The following GRIP1 variants were observed in gnomAD, a reference collection of about 807,000 sequenced individuals.
GRIP1 encodes glutamate receptor interacting protein 1.
A neutral mutation model predicts 129.9 loss-of-function variants in GRIP1; 45 were observed. The observed-to-expected ratio is 0.35, with a 90% CI of 0.27 to 0.44. GRIP1 has a LOEUF of 0.44. GRIP1 is among the 20% of genes least tolerant of loss of function. The pLI is 1.00. For missense variants in GRIP1, 1,196 were observed against 1,396.8 expected (o/e 0.86, Z 2.29); for synonymous variants, 530 against 520.8 (o/e 1.02, Z -0.24).
chr12:66,480,153 T>C (rs2059758731), intron 7 of GRIP1, among the ~76,000 whole-genome samples: 1 of 152,184 alleles, frequency 6.6e-6, no homozygotes, highest in Non-Finnish European at 1.5e-5. Context: ...ATGACATCAT[T>C]GTATATTTAG....
intron 1 of GRIP1, among the ~76,000 whole-genome samples, chr12:66,654,387 G>T (rs2033005382): frequency 6.6e-6 from 1 of 152,174 alleles, no homozygotes. Context: ...GAGGGTTGTA[G>T]AGAGGATTTT....
intron 13 of GRIP1, among the ~76,000 whole-genome samples, chr12:66,440,587 A>G (rs575289285): frequency 1.3e-5 from 2 of 152,176 alleles, no homozygotes; most frequent in South Asian, 2.1e-4. Flanking sequence ...GTGTCTCACA[A>G]CCTTTTCTAC....
intron 1 of GRIP1, among the ~76,000 whole-genome samples, chr12:66,724,100 G>A (rs937680556): frequency 1.3e-5 from 2 of 152,166 alleles, no homozygotes; most frequent in African/African-American, 4.8e-5. Context: ...GGGAATTCAC[G>A]CTTGAGTAAT....
At chr12:66,870,984 C>T (rs1398385176) in intron 1 of GRIP1, among the ~76,000 whole-genome samples, 1 of 152,046 alleles carries the variant, frequency 6.6e-6, no homozygotes, top group Admixed American at 6.6e-5. Flanking sequence ...TAATTTTTAC[C>T]ATTTATAGCC....
intron 1 of GRIP1, among the ~76,000 whole-genome samples, chr12:67,040,425 C>A (rs1332015799): frequency 6.6e-6 from 1 of 152,146 alleles, no homozygotes; most frequent in African/African-American, 2.4e-5. Context: ...GAATTCTTCC[C>A]ACAAAGACAT....
At chr12:67,027,333 C>T (rs1433293486) in intron 1 of GRIP1, among the ~76,000 whole-genome samples, 1 of 152,188 alleles carries the variant, frequency 6.6e-6, no homozygotes, top group Non-Finnish European at 1.5e-5. Flanking sequence ...TGGTCACTGG[C>T]TTGTGATAGT....
intron 1 of GRIP1, among the ~76,000 whole-genome samples, chr12:66,604,880 G>A (rs1278462336): frequency 1.3e-5 from 2 of 151,676 alleles, no homozygotes; most frequent in Non-Finnish European, 2.9e-5. Context: ...TGTATTAACA[G>A]GTATAAACTT....
chr12:66,533,459 A>G (rs1197583880), intron 4 of GRIP1, among the ~76,000 whole-genome samples: 1 of 151,990 alleles, frequency 6.6e-6, no homozygotes, highest in East Asian at 2.0e-4. Flanking sequence ...AGCCTGGTCA[A>G]TGTGGTAAAA....
chr12:66,797,227 T>C (rs1452369314), intron 1 of GRIP1, among the ~76,000 whole-genome samples: 1 of 152,186 alleles, frequency 6.6e-6, no homozygotes, highest in African/African-American at 2.4e-5. Context: ...GTGTTCCCTC[T>C]AAAACAAGAC....
intron 14 of GRIP1, among the ~76,000 whole-genome samples, chr12:66,430,453 T>A (rs1046368410): frequency 1.2e-4 from 19 of 152,324 alleles, no homozygotes; most frequent in Non-Finnish European, 2.4e-4. Context: ...GCCATCTTTA[T>A]GGGGGTTTTT....
At chr12:66,663,959 G>T (rs2033655591) in intron 1 of GRIP1, among the ~76,000 whole-genome samples, 1 of 152,192 alleles carries the variant, frequency 6.6e-6, no homozygotes, top group South Asian at 2.1e-4. Flanking sequence ...TTTCTACAGT[G>T]TTAGCGCTAC....
intron 7 of GRIP1, among the ~76,000 whole-genome samples, 186 bp downstream of exon 7, chr12:66,515,433 T>C (rs979691224): frequency 3.3e-5 from 5 of 152,178 alleles, no homozygotes; most frequent in African/African-American, 1.2e-4. Flanking sequence ...ATGAGAACTC[T>C]ACATCACTGT....
intron 1 of GRIP1, among the ~76,000 whole-genome samples, chr12:66,611,519 G>A (rs1235692270): frequency 6.6e-6 from 1 of 151,916 alleles, no homozygotes; most frequent in East Asian, 1.9e-4. Flanking sequence ...TTTCATACTT[G>A]TGCATAATTA....
chr12:66,529,046 T>C (rs2061358529), intron 5 of GRIP1, among the ~76,000 whole-genome samples: 2 of 152,010 alleles, frequency 1.3e-5, no homozygotes, highest in Non-Finnish European at 2.9e-5. Flanking sequence ...GAAAAAATGC[T>C]CAACATCACT....
At chr12:66,647,447 T>C (rs1487263644) in intron 1 of GRIP1, 6 of 152,234 alleles carry the variant, frequency 3.9e-5, no homozygotes, top group Admixed American at 3.9e-4. Context: ...ACAGAAGCTT[T>C]TGAGAATCTG....
chr12:67,046,903 G>A (rs2043262591), intron 1 of GRIP1, among the ~76,000 whole-genome samples: 1 of 152,124 alleles, frequency 6.6e-6, no homozygotes, highest in Non-Finnish European at 1.5e-5. Flanking sequence ...GCCATTTTTA[G>A]AACTTGAATT....
Position 66,443,050 on chromosome 12 carries a change from G to T in GRIP1, c.1687+1534C>A, listed in dbSNP as rs142311739. 1.1e-3 allele frequency among the ~76,000 whole-genome samples: 175 copies of T among 152,260 alleles called. 2 individuals are homozygous for T. Among genetic ancestry groups the T allele is most frequent in the African/African-American group, 4.0e-3 (165 of 41,538 alleles). On this transcript the variant is annotated intron_variant, in intron 13 of 24. Transcript: ENST00000359742. ...AGCATATCTTTACTAATTGGTAAGG[G>T]TTATTGGGTCTGTGAGGTAGTCTTT...
chr12:66,563,242 T>C (rs1039496439), intron 2 of GRIP1, among the ~76,000 whole-genome samples: 4 of 152,114 alleles, frequency 2.6e-5, no homozygotes, highest in African/African-American at 9.7e-5. Context: ...AACACACACA[T>C]AATCCAACAT....
At chr12:66,595,078 A>G (rs1323895266) in intron 2 of GRIP1, among the ~76,000 whole-genome samples, 1 of 152,214 alleles carries the variant, frequency 6.6e-6, no homozygotes. Context: ...AACTAAGAAA[A>G]TTCTGAACAC....
Sources: gnomAD v4.1 joint callset for allele counts (sites outside exome capture counted in the v4.1 genomes callset) on GRCh38, gnomAD v4.1.1 for gene constraint, MANE v1.5 for transcripts, NCBI Gene and HGNC (gene_info 2026-07-23, HGNC 2026-07-21) for gene names.